The following CDC45 variants were observed in gnomAD, a reference collection of about 807,000 sequenced individuals.
CDC45 encodes cell division cycle 45, also known as cell division control protein 45 homolog.
A neutral mutation model predicts 77.8 loss-of-function variants in CDC45; 54 were observed. The ratio of observed to expected loss-of-function variants is 0.69; its 90% CI spans 0.56 to 0.87. CDC45 has a LOEUF of 0.87. Ranked by LOEUF, CDC45 falls within the 40% of genes least tolerant of loss-of-function variation. The probability of loss-of-function intolerance (pLI) is 0.00; values close to 1 mark genes in which losing one functional copy is unlikely to be tolerated. For synonymous variants in CDC45, 260 were observed against 272.1 expected (o/e 0.96, Z 0.44); for missense variants, 649 against 721.6 (o/e 0.90, Z 1.15).
In CDC45 at chr22:19,518,896, C is replaced by T. The variant is rs1323180185; in HGVS notation, c.1689C>T (p.Ser563=). The change falls in exon 18 of 19, where the codon TCC becomes TCT. Residue 563 remains serine (S), a synonymous_variant. Coordinates refer to ENST00000263201, the MANE Select transcript of CDC45 (RefSeq NM_003504.5). The stretch of plus-strand genomic sequence containing the variant: ...GCAAGTTTCTGGACGCACTTATTTC[C>T]CTCCTGTCCTAGGGTGAGTTACAGG... ...DRSKFLDALI[S]LLS The T allele has an allele frequency of 6.2e-6, 10 of 1,613,756 alleles. No individual in the cohort carries two copies. Among genetic ancestry groups the T allele is most frequent in the South Asian group, 1.1e-5 (1 of 91,074 alleles).
chr22:19,492,841 G>C (rs2090173496), intron 5 of CDC45, among the ~76,000 whole-genome samples: 1 of 152,164 alleles, frequency 6.6e-6, no homozygotes, highest in African/African-American at 2.4e-5. Flanking sequence ...GGGCAGTGAA[G>C]GTCCAGGCTT....
chr22:19,493,598 C>G (rs904580724), intron 5 of CDC45, among the ~76,000 whole-genome samples: 1 of 152,132 alleles, frequency 6.6e-6, no homozygotes, highest in Non-Finnish European at 1.5e-5. Context: ...CATGTGCCAC[C>G]ACGCCCGGCT....
chr22:19,494,299 C>A, intron 5 of CDC45, 28 bp from the exon 6 acceptor site: 1 of 1,608,692 alleles, frequency 6.2e-7, no homozygotes, highest in South Asian at 1.1e-5. Context: ...ATTTGCTCCA[C>A]CTTTTGTTCT....
At chr22:19,516,142 G>A (rs1316366556) in intron 15 of CDC45, among the ~76,000 whole-genome samples, 1 of 152,142 alleles carries the variant, frequency 6.6e-6, no homozygotes, top group Non-Finnish European at 1.5e-5. Context: ...GGGTGGGCTG[G>A]GGCCTCCTGG....
intron 2 of CDC45, 118 bp from the exon 3 acceptor site, chr22:19,480,835 G>A (rs2146326071): frequency 1.6e-6 from 1 of 628,718 alleles, no homozygotes; most frequent in Non-Finnish European, 2.8e-6. Context: ...CATTTCACTA[G>A]CTTTAATGTT....
chr22:19,484,993 A>C (rs189497194), intron 5 of CDC45, among the ~76,000 whole-genome samples: 134 of 151,138 alleles, frequency 8.9e-4, no homozygotes, highest in African/African-American at 2.2e-3. Context: ...GGCTGGCCTC[A>C]AACTTCGGGC....
chr22:19,514,866 C>G lies in CDC45; in HGVS notation c.1335C>G (p.Phe445Leu). 6.2e-7 allele frequency: 1 copy of G among 1,614,228 alleles called. No homozygotes were observed. Among genetic ancestry groups the G allele is most frequent in the Non-Finnish European group, 8.5e-7 (1 of 1,180,042 alleles). ...CTNLVISQGPFLYCSLMEGTP... is the reference protein window; with the variant it reads ...CTNLVISQGPLLYCSLMEGTP... Reference sequence around the variant, plus strand: ...ACCTCGTCATCTCCCAGGGGCCTTTCCTGTACTGCTCTCTCATGGAGGTCA... The same window carrying G: ...ACCTCGTCATCTCCCAGGGGCCTTTGCTGTACTGCTCTCTCATGGAGGTCA... The change falls in exon 14 of 19, where the codon TTC becomes TTG. Residue 445 changes from phenylalanine (F) to leucine (L), a missense_variant. Transcript: ENST00000263201.
rs747461877 is a variant in CDC45 at position 19,515,068 on chromosome 22, C to A, written c.1440+20C>A. The A allele has an allele frequency of 6.3e-7, 1 of 1,580,320 alleles. No homozygotes were observed. The highest frequency in any genetic ancestry group is 8.6e-7 in the Non-Finnish European group (1 of 1,161,182). On this transcript the variant is annotated intron_variant, in intron 15 of 18. Coordinates refer to ENST00000263201, the MANE Select transcript of CDC45 (RefSeq NM_003504.5). ...TGTTCGGTGAGGGGCCAGGCGGGTG[C>A]TGTGGGTACAGGAGGGCAGGTGCTT...
In CDC45 at chr22:19,505,382, T is replaced by G. The variant is rs200318029; in HGVS notation, c.725T>G (p.Val242Gly). The G allele has an allele frequency of 6.2e-7, 1 of 1,614,012 alleles. No individual in the cohort carries two copies. Among genetic ancestry groups the G allele is most frequent in the Non-Finnish European group, 8.5e-7 (1 of 1,180,000 alleles). ...TCCAGAATGAAATACGTGACTGATG[T>G]TGGTGTCCTGCAGCGCCACGTTTCC... ...KITQMKYVTDVGVLQRHVSRH... is the reference protein window; with the variant it reads ...KITQMKYVTDGGVLQRHVSRH... The change falls in exon 10 of 19, where the codon GTT becomes GGT. Residue 242 changes from valine to glycine, a missense_variant. Transcript: ENST00000263201.
intron 10 of CDC45, among the ~76,000 whole-genome samples, chr22:19,505,740 G>A (rs1195786426): frequency 1.3e-5 from 2 of 152,236 alleles, no homozygotes; most frequent in African/African-American, 2.4e-5. Context: ...GCCTGGCTCT[G>A]GACATGGTAG....
chr22:19,516,959 G>A, intron 17 of CDC45, 66 bp downstream of exon 17: 1 of 1,363,042 alleles, frequency 7.3e-7, no homozygotes, highest in African/African-American at 1.4e-5. Context: ...GCAGGCCCTG[G>A]AACCAAGCAA....
rs1366938327 is a variant in CDC45, at chr22:19,480,234, C to T, written c.111+17C>T. The stretch of plus-strand genomic sequence containing the variant: ...ATCCTTCAGGTGAGTTCTGCGGACC[C>T]TAGGAGGGCGGGGCCGGCGCGCGAG... On this transcript the variant is annotated intron_variant, in intron 2 of 18. Coordinates refer to ENST00000263201, the MANE Select transcript of CDC45 (RefSeq NM_003504.5). 1.2e-6 allele frequency: 2 copies of T among 1,612,410 alleles called. No individual in the cohort carries two copies. Among genetic ancestry groups the T allele is most frequent in the Admixed American group, 1.7e-5 (1 of 59,996 alleles).
At chr22:19,495,834 A>G (rs2090232798) in intron 6 of CDC45, 147 bp from the exon 7 acceptor site, 1 of 711,820 alleles carries the variant, frequency 1.4e-6, no homozygotes, top group Non-Finnish European at 2.5e-6. Context: ...CAAAAAAGAA[A>G]AAACCAAGAG....
chr22:19,481,292 C>T (rs1021231083), intron 3 of CDC45, among the ~76,000 whole-genome samples: 4 of 152,128 alleles, frequency 2.6e-5, no homozygotes, highest in African/African-American at 7.2e-5. Context: ...ACTTGTTTTG[C>T]AGAAATTTGA....
chr22:19,506,315 C>G (rs966134207), intron 10 of CDC45, among the ~76,000 whole-genome samples: 1 of 152,104 alleles, frequency 6.6e-6, no homozygotes, highest in African/African-American at 2.4e-5. Context: ...CCGCTGTGCA[C>G]TGGAGCTGGT....
intron 5 of CDC45, among the ~76,000 whole-genome samples, chr22:19,491,221 G>C (rs5993652): frequency 0.36 from 54,289 of 152,010 alleles, 11,867 homozygotes; most frequent in Non-Finnish European, 0.48. Flanking sequence ...TTTTGCTTCA[G>C]TAATTAAGCA....
intron 9 of CDC45, among the ~76,000 whole-genome samples, chr22:19,503,800 A>G (rs1372636665): frequency 1.3e-5 from 2 of 152,230 alleles, no homozygotes; most frequent in Non-Finnish European, 2.9e-5. Context: ...AGGGAGCCAC[A>G]AAACCTTTGA....
rs13447193 is a variant in CDC45, at chr22:19,481,461, C to T, written c.204+416C>T. Among the ~76,000 whole-genome samples the T allele has an allele frequency of 7.5e-3, 1,136 of 152,184 alleles. 14 individuals carry two copies. Among genetic ancestry groups the T allele is most frequent in the African/African-American group, 0.024 (978 of 41,488 alleles). ...TGGCACGATCTCGGCTCACTGCAAGCTGTGTCTCCTGGGTTCATGCCATTC... is the reference window on the plus strand; with the variant it reads ...TGGCACGATCTCGGCTCACTGCAAGTTGTGTCTCCTGGGTTCATGCCATTC... On this transcript the variant is annotated intron_variant, in intron 3 of 18. Transcript: ENST00000263201.
At chr22:19,486,897 C>G (rs1489366381) in intron 5 of CDC45, among the ~76,000 whole-genome samples, 1 of 152,088 alleles carries the variant, frequency 6.6e-6, no homozygotes, top group African/African-American at 2.4e-5. Flanking sequence ...AGGATGGTCT[C>G]GATCTCCTGA....
Sources: allele counts gnomAD v4.1 joint callset (sites outside exome capture counted in the v4.1 genomes callset), GRCh38; gene constraint gnomAD v4.1.1; transcripts MANE v1.5; gene names NCBI Gene and HGNC (gene_info 2026-07-23, HGNC 2026-07-21).